C1QC: variants seen among roughly 807,000 people sequenced by gnomAD.
C1QC encodes the protein complement C1q subcomponent subunit C.
C1QC carries 4 observed loss-of-function variants against 5.9 expected under a neutral mutation model. The observed-to-expected ratio is 0.68, with a 90% CI of 0.33 to 1.55. C1QC has a LOEUF of 1.55. C1QC is among the 40% of genes most tolerant of loss of function. The pLI, the probability that C1QC is intolerant of heterozygous loss-of-function variation, is 0.06. For missense variants in C1QC, 299 were observed against 326.9 expected (o/e 0.91, Z 0.66); for synonymous variants, 166 against 153.8 (o/e 1.08, Z -0.59).
chr1:22,646,088 A>T (rs1642364817), intron 2 of C1QC, among the ~76,000 whole-genome samples: 1 of 152,222 alleles, frequency 6.6e-6, no homozygotes, highest in Non-Finnish European at 1.5e-5. Context: ...GATTCTCCAG[A>T]CTTGAGTTAG....
chr1:22,643,824 G>A lies in C1QC; in HGVS notation c.-14+110G>A, dbSNP rs1237883834. On this transcript the variant is annotated intron_variant, in intron 1 of 2. Transcript: ENST00000374640. ...CAGCTTGGTGTGTGAGGGGAAGGAGGGTTCCCACTCCTGCTGGGCCCCGGG... is the reference window on the plus strand; with the variant it reads ...CAGCTTGGTGTGTGAGGGGAAGGAGAGTTCCCACTCCTGCTGGGCCCCGGG... The A allele has an allele frequency of 5.2e-6, 7 of 1,354,882 alleles. No individual in the cohort carries two copies. In the African/African-American group the frequency reaches 7.4e-5, roughly 14 times the overall value. 83.9% of individuals were successfully genotyped at this position (1,354,882 alleles called of 1,614,324 possible).
rs769678626 is a variant in C1QC at position 22,647,411 on chromosome 1, C to T, written c.366C>T (p.Phe122=). ...GRYKQKFQSV[F]TVTRQTHQPP... is the part of the protein sequence containing the mutation. Reference sequence around the variant, plus strand: ...ACAAGCAGAAATTCCAGTCAGTGTTCACGGTCACTCGGCAGACCCACCAGC... The same window carrying T: ...ACAAGCAGAAATTCCAGTCAGTGTTTACGGTCACTCGGCAGACCCACCAGC... Residue 122 remains phenylalanine, a synonymous_variant, in exon 3 of 3, where the codon TTC becomes TTT. Transcript: ENST00000374640. 36 of 1,613,946 alleles carry T rather than the reference C, an allele frequency of 2.2e-5. No individual in the cohort carries two copies. The South Asian group carries it at 3.5e-4, about 16-fold the overall frequency.
intron 2 of C1QC, 113 bp downstream of exon 2, chr1:22,644,317 G>A (rs1422158193): frequency 7.5e-6 from 10 of 1,341,254 alleles, no homozygotes; most frequent in East Asian, 5.1e-5. Context: ...TTGCTGCCAC[G>A]CCTGCCCCAG....
At position 22,648,038 on chromosome 1, in the gene C1QC, T is replaced by TTA; in HGVS notation, c.*256_*257insAT. 2 of 418,708 alleles carry TTA rather than the reference T, an allele frequency of 4.8e-6. No individual in the cohort carries two copies. The highest frequency in any genetic ancestry group is 7.8e-6 in the Non-Finnish European group (2 of 256,266). The allele number at this position is 418,708 out of a possible 1,614,324, so 25.9% of individuals were successfully genotyped here. On this transcript the variant is annotated 3_prime_UTR_variant, in exon 3 of 3. Coordinates refer to ENST00000374640, the MANE Select transcript of C1QC (RefSeq NM_172369.5). ...TAACCAATGCCTTCTGGTACTGCCA[T>TTA]TCTTTTTTTTTTTTTTTTCAAGTAT... is the stretch of plus-strand genomic sequence containing the variant.
rs146378169 is a variant in C1QC, at chr1:22,647,633, G to A, written c.588G>A (p.Thr196=). 1.9e-5 allele frequency: 31 copies of A among 1,614,030 alleles called. No homozygotes were observed. The highest frequency in any genetic ancestry group is 2.2e-5 in the East Asian group (1 of 44,882). The change falls in exon 3 of 3, where the codon ACG becomes ACA. Residue 196 remains threonine (T), a synonymous_variant. Transcript: ENST00000374640. ...GVKVVTFCGH[T]SKTNQVNSGG... is the part of the protein sequence containing the mutation. ...AAGTGGTCACCTTCTGTGGCCACAC[G>A]TCCAAAACCAATCAGGTCAACTCGG...
At chr1:22,644,465 G>A (rs1399402367) in intron 2 of C1QC, among the ~76,000 whole-genome samples, 3 of 152,190 alleles carry the variant, frequency 2.0e-5, no homozygotes, top group Non-Finnish European at 4.4e-5. Context: ...GAGGGAATAA[G>A]AGCGCCTGCC....
chr1:22,644,322 C>T, intron 2 of C1QC, 118 bp downstream of exon 2: 2 of 1,320,324 alleles, frequency 1.5e-6, no homozygotes, highest in Non-Finnish European at 2.0e-6. Context: ...GCCACGCCTG[C>T]CCCAGGGCAG....
intron 2 of C1QC, among the ~76,000 whole-genome samples, chr1:22,645,497 A>C (rs1176824200): frequency 6.6e-6 from 1 of 152,188 alleles, no homozygotes; most frequent in Admixed American, 6.5e-5. Flanking sequence ...CCAACTCTCA[A>C]GTCCACATTC....
At position 22,646,924 on chromosome 1, in the gene C1QC, G is replaced by T. The variant is rs369681372; in HGVS notation, c.182-303G>T. 2.0e-5 allele frequency among the ~76,000 whole-genome samples: 3 copies of T among 152,312 alleles called. No homozygotes were observed. The South Asian group carries it at 6.2e-4, about 32-fold the overall frequency. ...TGACAGTCATGGCATCTGTGATCCC[G>T]CCCAGCTCTGAGCTCCCTACTTGCT... is the stretch of plus-strand genomic sequence containing the variant. On this transcript the variant is annotated intron_variant, in intron 2 of 2. Coordinates refer to ENST00000374640, the MANE Select transcript of C1QC (RefSeq NM_172369.5).
At chr1:22,646,439 A>C (rs1642370514) in intron 2 of C1QC, among the ~76,000 whole-genome samples, 1 of 152,246 alleles carries the variant, frequency 6.6e-6, no homozygotes, top group Admixed American at 6.5e-5. Flanking sequence ...TGGTTACAAA[A>C]ATTTACACAT....
intron 2 of C1QC, among the ~76,000 whole-genome samples, chr1:22,645,786 G>A (rs928541841): frequency 6.6e-6 from 1 of 152,122 alleles, no homozygotes; most frequent in African/African-American, 2.4e-5. Flanking sequence ...CCCACCCAGG[G>A]TCACAGATGT....
intron 2 of C1QC, among the ~76,000 whole-genome samples, chr1:22,645,743 A>C (rs554159589): frequency 7.6e-4 from 116 of 152,250 alleles, no homozygotes; most frequent in African/African-American, 2.7e-3. Flanking sequence ...CCGTATCTCA[A>C]CTGAGCAAAT....
Position 22,648,026 on chromosome 1 carries a change from C to T in C1QC, c.*243C>T. The stretch of plus-strand genomic sequence containing the variant: ...TCCTGGGACACTTAACCAATGCCTT[C>T]TGGTACTGCCATTCTTTTTTTTTTT... On this transcript the variant is annotated 3_prime_UTR_variant, in exon 3 of 3. Transcript: ENST00000374640. 1 of 443,704 alleles carries T rather than the reference C, an allele frequency of 2.3e-6. No individual in the cohort carries two copies. The allele number at this position is 443,704 out of a possible 1,614,324, so 27.5% of individuals were successfully genotyped here. A position where few individuals can be genotyped will look rare whatever the true frequency, so the allele number is the denominator to read the frequency against.
At position 22,647,641 on chromosome 1, in the gene C1QC, C is replaced by G; in HGVS notation, c.596C>G (p.Thr199Ser). ...VVTFCGHTSK[T>S]NQVNSGGVLL... ...ACCTTCTGTGGCCACACGTCCAAAA[C>G]CAATCAGGTCAACTCGGGCGGTGTG... The change falls in exon 3 of 3, where the codon ACC becomes AGC. Residue 199 changes from threonine (T) to serine (S), a missense_variant. Physicochemically the swap from Thr to Ser is moderately conservative, Grantham distance 58. Around this residue, in one of 3 missense-constraint regions of C1QC, gnomAD observed 144 missense variants for 155.1 expected, o/e 0.93. Transcript: ENST00000374640. 6.2e-7 allele frequency: 1 copy of G among 1,613,932 alleles called. No homozygotes were observed. Among genetic ancestry groups the G allele is most frequent in the Non-Finnish European group, 8.5e-7 (1 of 1,180,038 alleles).
In C1QC at chr1:22,648,002, C is replaced by T; in HGVS notation, c.*219C>T. Reference sequence around the variant, plus strand: ...TTTAGGAGTCACTGCTTGTGTGGTTCCTGGGACACTTAACCAATGCCTTCT... The same window carrying T: ...TTTAGGAGTCACTGCTTGTGTGGTTTCTGGGACACTTAACCAATGCCTTCT... On this transcript the variant is annotated 3_prime_UTR_variant, in exon 3 of 3. Transcript: ENST00000374640. 1.7e-6 allele frequency: 1 copy of T among 582,448 alleles called. No individual in the cohort carries two copies. Among genetic ancestry groups the T allele is most frequent in the Non-Finnish European group, 2.9e-6 (1 of 340,220 alleles). 36.1% of individuals were successfully genotyped at this position (582,448 alleles called of 1,614,324 possible).
chr1:22,645,011 G>C (rs1642345628), intron 2 of C1QC, among the ~76,000 whole-genome samples: 1 of 152,140 alleles, frequency 6.6e-6, no homozygotes. Context: ...CTGTGAGTGA[G>C]CTGGGCACGT....
chr1:22,646,955 A>G (rs1348709578), intron 2 of C1QC, among the ~76,000 whole-genome samples: 3 of 152,176 alleles, frequency 2.0e-5, no homozygotes, highest in Admixed American at 1.3e-4. Flanking sequence ...TTGCTTCATC[A>G]CAAATGTGGA....
rs1642320530 is a variant in C1QC, at chr1:22,643,999, T to C, written c.-13-12T>C. ...GGGGCTGGCGGGGACAGCTCAGCTC[T>C]CTCCCTCCCAGTTCCTTCTCCGGGA... On this transcript the variant is annotated splice_polypyrimidine_tract_variant and intron_variant, in intron 1 of 2. Transcript: ENST00000374640. The C allele has an allele frequency of 6.3e-7, 1 of 1,590,858 alleles. No individual in the cohort carries two copies. The highest frequency in any genetic ancestry group is 8.5e-7 in the Non-Finnish European group (1 of 1,170,726).
rs781346753 is a variant in C1QC at position 22,647,714 on chromosome 1, C to T, written c.669C>T (p.Asp223=). The T allele has an allele frequency of 1.2e-6, 2 of 1,603,206 alleles. No individual in the cohort carries two copies. Among genetic ancestry groups the T allele is most frequent in the South Asian group, 1.1e-5 (1 of 91,086 alleles). Residue 223 remains aspartate, a synonymous_variant, in exon 3 of 3, where the codon GAC becomes GAT. Coordinates refer to ENST00000374640, the MANE Select transcript of C1QC (RefSeq NM_172369.5). ...AGGAGGTGTGGCTGGCTGTCAATGA[C>T]TACTACGACATGGTGGGCATCCAGG... ...VGEEVWLAVN[D]YYDMVGIQGS... is the part of the protein sequence containing the mutation.
Sources: allele counts gnomAD v4.1 joint callset (sites outside exome capture counted in the v4.1 genomes callset), GRCh38; gene constraint gnomAD v4.1.1; regional missense constraint gnomAD v4.1.1; transcripts MANE v1.5; gene names NCBI Gene and HGNC (gene_info 2026-07-23, HGNC 2026-07-21).